The following ETV7 variants were observed in gnomAD, a reference collection of about 807,000 sequenced individuals.
ETV7 encodes transcription factor ETV7.
A neutral mutation model predicts 39.1 loss-of-function variants in ETV7; 43 were observed. The ratio of observed to expected loss-of-function variants is 1.10; its 90% CI spans 0.86 to 1.42. ETV7 has a LOEUF of 1.42. Ranked by LOEUF, ETV7 falls within the 40% of genes most tolerant of loss-of-function variation. The probability of loss-of-function intolerance (pLI) is 0.00; values close to 1 mark genes in which losing one functional copy is unlikely to be tolerated. For synonymous variants in ETV7, 196 were observed against 176.6 expected (o/e 1.11, Z -0.87); for missense variants, 432 against 442.3 (o/e 0.98, Z 0.21).
chr6:36,357,889 CA>C (rs1281831536), intron 7 of ETV7, among the ~76,000 whole-genome samples: 1 of 151,784 alleles, frequency 6.6e-6, no homozygotes, highest in East Asian at 1.9e-4. Context: ...AAAACAAAAA[CA>C]AAAACAAACA....
chr6:36,382,509 T>G (rs896413879), intron 2 of ETV7, among the ~76,000 whole-genome samples: 3 of 152,216 alleles, frequency 2.0e-5, no homozygotes, highest in African/African-American at 7.2e-5. Flanking sequence ...AGCAGATTCA[T>G]GTGCACATTA....
chr6:36,363,630 A>T (rs1233693548), downstream of ETV7, among the ~76,000 whole-genome samples: 2 of 152,250 alleles, frequency 1.3e-5, no homozygotes, highest in Non-Finnish European at 2.9e-5. Context: ...TGCCACTGCT[A>T]GCTGGGGCAG....
downstream of ETV7, among the ~76,000 whole-genome samples, chr6:36,365,126 T>G (rs533185831): frequency 6.6e-6 from 1 of 152,318 alleles, no homozygotes; most frequent in African/African-American, 2.4e-5. Flanking sequence ...AGTTTCCTCC[T>G]TCTGAGAAAG....
intron 5 of ETV7, among the ~76,000 whole-genome samples, chr6:36,370,784 C>T (rs929506426): frequency 6.6e-6 from 1 of 152,136 alleles, no homozygotes; most frequent in African/African-American, 2.4e-5. Flanking sequence ...CCTGTTAATC[C>T]TTTAACAATG....
intron 2 of ETV7, among the ~76,000 whole-genome samples, chr6:36,379,152 A>G (rs11759903): frequency 0.41 from 63,031 of 152,150 alleles, 14,045 homozygotes; most frequent in African/African-American, 0.56. Flanking sequence ...TTCCGCGGCT[A>G]GGGTGTCAAC....
chr6:36,379,875 CAA>C (rs75859733), intron 2 of ETV7, among the ~76,000 whole-genome samples: 16 of 85,828 alleles, frequency 1.9e-4, no homozygotes, highest in Non-Finnish European at 1.4e-4. Flanking sequence ...GACGCCATCT[CAA>C]AAAAAAAAAA....
At chr6:36,381,978 G>A (rs976328637) in intron 2 of ETV7, among the ~76,000 whole-genome samples, 4 of 152,038 alleles carry the variant, frequency 2.6e-5, no homozygotes, top group East Asian at 1.9e-4. Flanking sequence ...GGTCCTCACC[G>A]CCACATTCCT....
chr6:36,376,396 T>C (rs1197978959), intron 2 of ETV7, among the ~76,000 whole-genome samples: 1 of 152,224 alleles, frequency 6.6e-6, no homozygotes. Flanking sequence ...TTATGTGTAT[T>C]CAGCACCTAG....
chr6:36,366,233 G>GTAGAT lies in ETV7; in HGVS notation c.*411_*412insATCTA. ...TTTTATTGTTACTGAGGCTGTCAGT[G>GTAGAT]CCGCCTGGAAGCACTAACACTTTTT... On this transcript the variant is annotated 3_prime_UTR_variant, in exon 8 of 8. Coordinates refer to ENST00000340181, the MANE Select transcript of ETV7 (RefSeq NM_016135.4). 2.9e-6 allele frequency: 3 copies of GTAGAT among 1,028,170 alleles called. No homozygotes were observed. Among genetic ancestry groups the GTAGAT allele is most frequent in the South Asian group, 7.9e-5 (2 of 25,316 alleles). 63.7% of individuals were successfully genotyped at this position (1,028,170 alleles called of 1,614,324 possible).
intron 7 of ETV7, among the ~76,000 whole-genome samples, chr6:36,358,745 C>A (rs1772401964): frequency 6.6e-6 from 1 of 152,228 alleles, no homozygotes; most frequent in African/African-American, 2.4e-5. Flanking sequence ...TACTCCCCAC[C>A]CCACACCACA....
At position 36,376,701 on chromosome 6, in the gene ETV7, G is replaced by A. The variant is rs576018399; in HGVS notation, c.143-666C>T. ...TGAAGCAGGTGAATCGCTCGAACCCGGGAAGCAGAGGTTGCAGTGAGCCGA... is the reference window on the plus strand; with the variant it reads ...TGAAGCAGGTGAATCGCTCGAACCCAGGAAGCAGAGGTTGCAGTGAGCCGA... On this transcript the variant is annotated intron_variant, in intron 2 of 7. Coordinates refer to ENST00000340181, the MANE Select transcript of ETV7 (RefSeq NM_016135.4). Among the ~76,000 whole-genome samples, 348 of 151,874 alleles carry A rather than the reference G, an allele frequency of 2.3e-3. 1 individual carries two copies. The highest frequency in any genetic ancestry group is 3.6e-3 in the Non-Finnish European group (247 of 67,956).
intron 2 of ETV7, among the ~76,000 whole-genome samples, chr6:36,384,503 A>T (rs915182263): frequency 1.2e-4 from 19 of 152,304 alleles, no homozygotes; most frequent in African/African-American, 4.3e-4. Flanking sequence ...GTTTGGTCTT[A>T]GGGAAATAGG....
chr6:36,367,487 G>A (rs1471992360), intron 6 of ETV7, among the ~76,000 whole-genome samples: 1 of 152,010 alleles, frequency 6.6e-6, no homozygotes, highest in South Asian at 2.1e-4. Flanking sequence ...AAGGAAGGAA[G>A]GAAGGAAGGA....
rs1452826045 is a variant in ETV7 at position 36,387,608 on chromosome 6, G to C, written c.-67C>G. 1.3e-6 allele frequency: 2 copies of C among 1,585,898 alleles called. No individual in the cohort carries two copies. The highest frequency in any genetic ancestry group is 1.3e-5 in the African/African-American group (1 of 74,428). ...CGCTCCCCTGGCTGTGGCTGCTGGG[G>C]CCCTAGGCCCGCGCCCCGCAGTCCT... On this transcript the variant is annotated 5_prime_UTR_variant, in exon 1 of 8. Coordinates refer to ENST00000340181, the MANE Select transcript of ETV7 (RefSeq NM_016135.4).
chr6:36,360,256 C>G (rs1281633269), intron 7 of ETV7, among the ~76,000 whole-genome samples: 1 of 152,166 alleles, frequency 6.6e-6, no homozygotes, highest in East Asian at 1.9e-4. Flanking sequence ...TGACATGCCC[C>G]TAGCAGATGT....
At chr6:36,364,920 G>C (rs905510818), downstream of ETV7, among the ~76,000 whole-genome samples, 1 of 152,168 alleles carries the variant, frequency 6.6e-6, no homozygotes, top group African/African-American at 2.4e-5. Context: ...CCACCTGCCT[G>C]CCCCCCTGCC....
intron 7 of ETV7, among the ~76,000 whole-genome samples, chr6:36,355,967 T>G (rs1160981526): frequency 2.0e-5 from 3 of 152,212 alleles, no homozygotes; most frequent in African/African-American, 7.2e-5. Flanking sequence ...GGCCTGGCAG[T>G]GAACTTAAAG....
chr6:36,375,461 G>T (rs1773272132), intron 3 of ETV7, among the ~76,000 whole-genome samples: 1 of 152,094 alleles, frequency 6.6e-6, no homozygotes, highest in Non-Finnish European at 1.5e-5. Flanking sequence ...AAGTCATATT[G>T]GAAGTCAAGG....
chr6:36,372,512 A>G (rs1373943633), intron 4 of ETV7, among the ~76,000 whole-genome samples: 1 of 151,476 alleles, frequency 6.6e-6, no homozygotes, highest in Non-Finnish European at 1.5e-5. Context: ...ACCAGTGAGG[A>G]CGTTCTCCAG....
Sources: allele counts gnomAD v4.1 joint callset (sites outside exome capture counted in the v4.1 genomes callset), GRCh38; gene constraint gnomAD v4.1.1; transcripts MANE v1.5; gene names NCBI Gene and HGNC (gene_info 2026-07-23, HGNC 2026-07-21).